The following MICAL2 variants were observed in gnomAD, a reference collection of about 807,000 sequenced individuals.
The protein encoded by MICAL2 is microtubule associated monooxygenase, calponin and LIM domain containing 2, also known as [F-actin]-monooxygenase MICAL2.
In MICAL2, 77 loss-of-function variants were observed where a neutral mutation model predicts 127.3. The observed-to-expected ratio is 0.60, with a 90% CI of 0.50 to 0.73. The LOEUF (loss-of-function observed/expected upper bound fraction) is 0.73. Among genes scored for constraint, MICAL2 ranks in the 30% least tolerant of loss-of-function variants. The pLI is 0.00. For missense variants in MICAL2, 1,351 were observed against 1,434.4 expected, an observed-to-expected ratio of 0.94 and a Z score of 0.94; for synonymous variants, 570 against 551.1, an observed-to-expected ratio of 1.03 and a Z score of -0.48.
chr11:12,354,567 G>A (rs1243591009), intron 33 of MICAL2, among the ~76,000 whole-genome samples: 3 of 152,094 alleles, frequency 2.0e-5, no homozygotes, highest in African/African-American at 4.8e-5. Context: ...GGACCTGGGG[G>A]GCGAAGGTTG....
upstream of MICAL2, among the ~76,000 whole-genome samples, chr11:12,271,592 C>A (rs115867238): frequency 2.6e-5 from 4 of 152,134 alleles, no homozygotes; most frequent in African/African-American, 9.7e-5. Context: ...TGTTGGGATG[C>A]TAGGGTGGAT....
Position 12,209,527 on chromosome 11 carries a change from C to T in MICAL2, c.620C>T (p.Thr207Ile). Residue 207 changes from threonine to isoleucine, a missense_variant, in exon 6 of 28, where the codon ACA (threonine) becomes ATA (isoleucine). Thr to Ile is a moderately conservative substitution (Grantham distance 89). Around this residue, in one of 2 missense-constraint regions of MICAL2, gnomAD observed 599 missense variants for 714.9 expected, o/e 0.84. Transcript: ENST00000683283. ...KIGWRAEFLP[T>I]DHSLSEFEFD... ...GGCTGGCGGGCAGAATTTCTCCCTA[C>T]AGACCATTCTCTGTCGGAGTTTGAG... The T allele has an allele frequency of 6.2e-7, 1 of 1,614,186 alleles. No homozygotes were observed. The highest frequency in any genetic ancestry group is 8.5e-7 in the Non-Finnish European group (1 of 1,180,016).
exon 2 of MICAL2, chr11:12,280,963 C>T (rs1429086962): frequency 1.8e-5 from 7 of 398,960 alleles, no homozygotes; most frequent in Admixed American, 4.4e-5. Context: ...ATGGTGGCAG[C>T]GAGGGCTCCC....
downstream of MICAL2, among the ~76,000 whole-genome samples, chr11:12,267,675 C>T (rs375267911): frequency 1.4e-4 from 21 of 152,248 alleles, no homozygotes; most frequent in African/African-American, 3.9e-4. Flanking sequence ...GATGTCAGCT[C>T]GCTGCAAACT....
intron 26 of MICAL2, chr11:12,260,235 G>T: frequency 6.9e-7 from 1 of 1,446,054 alleles, no homozygotes; most frequent in Non-Finnish European, 9.1e-7. Context: ...CAGTGCGTTT[G>T]CAGTTTGCTC....
intron 3 of MICAL2, among the ~76,000 whole-genome samples, chr11:12,171,590 G>A (rs1269062455): frequency 2.6e-5 from 4 of 152,228 alleles, no homozygotes; most frequent in Non-Finnish European, 5.9e-5. Context: ...AAGGTCCTGG[G>A]CAGTTCACTG....
At chr11:12,152,721 G>C (rs1269039739) in intron 2 of MICAL2, among the ~76,000 whole-genome samples, 1 of 152,116 alleles carries the variant, frequency 6.6e-6, no homozygotes, top group Non-Finnish European at 1.5e-5. Context: ...GATTTGGAAA[G>C]AATGAGAGAA....
At chr11:12,314,539 C>T (rs1184936952) in intron 29 of MICAL2, among the ~76,000 whole-genome samples, 5 of 151,686 alleles carry the variant, frequency 3.3e-5, no homozygotes, top group South Asian at 2.1e-4. Context: ...AGTGCAGTGG[C>T]GCGATCTCGG....
intron 32 of MICAL2, among the ~76,000 whole-genome samples, chr11:12,342,635 A>G (rs911703039): frequency 2.6e-5 from 4 of 152,224 alleles, no homozygotes; most frequent in African/African-American, 4.8e-5. Flanking sequence ...AGTGTTTACT[A>G]TGTGCCAAGC....
exon 3 of MICAL2, chr11:12,287,097 A>G: frequency 2.5e-6 from 1 of 398,958 alleles, no homozygotes; most frequent in Non-Finnish European, 4.4e-6. Context: ...CAGCTCTGCA[A>G]CGGGCCAATA....
intron 29 of MICAL2, among the ~76,000 whole-genome samples, chr11:12,306,106 C>A (rs1390551927): frequency 6.6e-6 from 1 of 152,128 alleles, no homozygotes; most frequent in Admixed American, 6.5e-5. Context: ...AAGTATAGAG[C>A]TTTTCACACA....
chr11:12,265,080 G>A (rs562547760), downstream of MICAL2, among the ~76,000 whole-genome samples: 2 of 152,324 alleles, frequency 1.3e-5, no homozygotes, highest in Non-Finnish European at 2.9e-5. Flanking sequence ...GACACCCCAA[G>A]TGGTGCTTCA....
chr11:12,352,706 A>G (rs749127359), intron 33 of MICAL2, among the ~76,000 whole-genome samples: 4 of 152,206 alleles, frequency 2.6e-5, no homozygotes, highest in Non-Finnish European at 4.4e-5. Context: ...CAAGAGGTCT[A>G]TTGGGGAAAA....
rs765807382 is a variant in MICAL2, at chr11:12,226,310, A to G, written c.1828A>G (p.Met610Val). ...ASAQEPDKLS[M>V]VMYLSKFYEL... The stretch of plus-strand genomic sequence containing the variant: ...TGCCCAGGAGCCTGACAAGCTCAGC[A>G]TGGTCATGTACCTCTCCAAGTTCTA... Residue 610 changes from methionine (M) to valine (V), a missense_variant, in exon 14 of 28, where the codon ATG (methionine) becomes GTG (valine). By Grantham distance (21) the Met-to-Val change is conservative (BLOSUM62 1). This residue lies in a region of MICAL2 where 752 missense variants were observed against 719.4 expected (regional missense o/e 1.05). Coordinates refer to ENST00000683283, the MANE Select transcript of MICAL2 (RefSeq NM_001282663.2). The G allele has an allele frequency of 6.2e-7, 1 of 1,614,222 alleles. No homozygotes were observed. The highest frequency in any genetic ancestry group is 8.5e-7 in the Non-Finnish European group (1 of 1,180,044).
At chr11:12,297,812 TA>T (rs948948914) in intron 29 of MICAL2, among the ~76,000 whole-genome samples, 1 of 152,058 alleles carries the variant, frequency 6.6e-6, no homozygotes, top group African/African-American at 2.4e-5. Context: ...TTATCATATA[TA>T]AAATTCCTGA....
upstream of MICAL2, among the ~76,000 whole-genome samples, chr11:12,275,323 T>C (rs1863713800): frequency 6.6e-6 from 1 of 152,162 alleles, no homozygotes; most frequent in African/African-American, 2.4e-5. Context: ...ATGTCCAGGC[T>C]GGAGATAGAA....
chr11:12,329,100 T>C (rs920996903), intron 32 of MICAL2, among the ~76,000 whole-genome samples: 1 of 152,256 alleles, frequency 6.6e-6, no homozygotes, highest in African/African-American at 2.4e-5. Flanking sequence ...AAATAATTTA[T>C]GTAATATCCA....
At chr11:12,302,671 C>T (rs1864060480) in intron 29 of MICAL2, among the ~76,000 whole-genome samples, 1 of 151,944 alleles carries the variant, frequency 6.6e-6, no homozygotes, top group South Asian at 2.1e-4. Context: ...AACAGAAGTA[C>T]CTTTTTTTTT....
chr11:12,211,334 T>A (rs1855433955), intron 6 of MICAL2, among the ~76,000 whole-genome samples: 1 of 151,950 alleles, frequency 6.6e-6, no homozygotes, highest in Non-Finnish European at 1.5e-5. Context: ...TGAGCCAAGA[T>A]CGCACCACTG....
Sources: gnomAD v4.1 joint callset for allele counts (sites outside exome capture counted in the v4.1 genomes callset) on GRCh38, gnomAD v4.1.1 for gene constraint, gnomAD v4.1.1 regional missense constraint, MANE v1.5 for transcripts, NCBI Gene and HGNC (gene_info 2026-07-23, HGNC 2026-07-21) for gene names.